SATL1: variants seen among roughly 807,000 people sequenced by gnomAD.
SATL1 encodes the protein spermidine/spermine N1-acetyl transferase like 1.
SATL1 carries 47 observed loss-of-function variants against 51.8 expected under a neutral mutation model. The observed-to-expected ratio is 0.91, with a 90% CI of 0.72 to 1.16. The LOEUF is 1.16. Among genes scored for constraint, SATL1 ranks in the 50% most tolerant of loss-of-function variants. The pLI is 0.00. For missense variants in SATL1, 520 were observed against 526.4 expected, an observed-to-expected ratio of 0.99 and a Z score of 0.12; for synonymous variants, 176 against 182.4, an observed-to-expected ratio of 0.97 and a Z score of 0.28.
intron 2 of SATL1, among the ~76,000 whole-genome samples, chrX:85,150,396 A>G (rs1330505940): frequency 7.2e-4 from 79 of 109,601 alleles, no homozygotes; most frequent in South Asian, 2.0e-3. Flanking sequence ...ACAAGGAGGA[A>G]CTGGTACCAT....
chrX:85,147,177 C>A (rs5923274), intron 2 of SATL1, among the ~76,000 whole-genome samples: 29,863 of 93,735 alleles, frequency 0.32, 3,109 homozygotes, highest in Non-Finnish European at 0.43. Context: ...TATCCCACAC[C>A]TGGCTCAGAG....
chrX:85,178,876 C>T (rs921648290), intron 2 of SATL1, among the ~76,000 whole-genome samples: 1 of 111,581 alleles, frequency 9.0e-6, no homozygotes, highest in Non-Finnish European at 1.9e-5. Flanking sequence ...TAACAAAATG[C>T]AACACTTCTT....
intron 2 of SATL1, among the ~76,000 whole-genome samples, chrX:85,190,358 T>A (rs1015934013): frequency 8.9e-6 from 1 of 111,900 alleles, no homozygotes; most frequent in Non-Finnish European, 1.9e-5. Context: ...TATCTACAGA[T>A]GGTTAATCCA....
chrX:85,225,739 T>G (rs1274699211), intron 1 of SATL1, among the ~76,000 whole-genome samples: 2 of 111,538 alleles, frequency 1.8e-5, no homozygotes, highest in African/African-American at 6.5e-5. Context: ...GCAAGAAATA[T>G]CTCTTTTTCT....
At chrX:85,238,282 C>T (rs1335747567) in intron 1 of SATL1, among the ~76,000 whole-genome samples, 1 of 111,346 alleles carries the variant, frequency 9.0e-6, no homozygotes, top group African/African-American at 3.3e-5. Context: ...CAGTACTGCT[C>T]ACAATAGCCA....
intron 2 of SATL1, chrX:85,209,660 T>A (rs1000307056): frequency 9.0e-6 from 1 of 111,569 alleles, no homozygotes; most frequent in African/African-American, 3.3e-5. Context: ...AATTCACTCA[T>A]GATTTGGCTC....
intron 2 of SATL1, among the ~76,000 whole-genome samples, chrX:85,180,362 T>C (rs773632374): frequency 5.4e-5 from 6 of 110,881 alleles, no homozygotes; most frequent in Non-Finnish European, 1.1e-4. Flanking sequence ...CATCATAGAG[T>C]GTACTTACAC....
intron 2 of SATL1, among the ~76,000 whole-genome samples, chrX:85,114,446 A>G (rs781711654): frequency 9.0e-6 from 1 of 111,464 alleles, no homozygotes; most frequent in East Asian, 2.8e-4. Context: ...CCTCTATTCT[A>G]ATGTCACAAT....
At chrX:85,127,682 C>A (rs912796383) in intron 2 of SATL1, among the ~76,000 whole-genome samples, 4 of 111,507 alleles carry the variant, frequency 3.6e-5, no homozygotes, top group Non-Finnish European at 7.5e-5. Context: ...TTCTAGGTTA[C>A]ATATGCACAA....
intron 4 of SATL1, among the ~76,000 whole-genome samples, chrX:85,100,964 C>T (rs926903308): frequency 8.9e-6 from 1 of 111,941 alleles, no homozygotes; most frequent in African/African-American, 3.2e-5. Context: ...ACCGTCTTTT[C>T]AACAAACAGT....
intron 2 of SATL1, among the ~76,000 whole-genome samples, chrX:85,113,770 T>C (rs765943571): frequency 6.4e-4 from 72 of 112,181 alleles, no homozygotes; most frequent in African/African-American, 2.3e-3. Context: ...TGATGGAACT[T>C]TGTTCCATAA....
rs145308997 is a variant in SATL1 at position 85,169,831 on chromosome X, T to C, written c.-313+54374A>G. 4.0e-3 allele frequency among the ~76,000 whole-genome samples: 443 copies of C among 111,749 alleles called. 2 individuals are homozygous for C. The highest frequency in any genetic ancestry group is 0.014 in the African/African-American group (430 of 30,862). On this transcript the variant is annotated intron_variant, in intron 2 of 7. Coordinates refer to ENST00000644105, the MANE Select transcript of SATL1 (RefSeq NM_001367857.2). The stretch of plus-strand genomic sequence containing the variant: ...AAAGACATATGCACATGTATGTTCA[T>C]TGTAGCACTATTCACAATGGCAAAG...
intron 4 of SATL1, among the ~76,000 whole-genome samples, chrX:85,099,640 A>G (rs1189759300): frequency 8.9e-6 from 1 of 111,859 alleles, no homozygotes; most frequent in African/African-American, 3.3e-5. Context: ...CAAAGGGGGA[A>G]AAACCCACAT....
At chrX:85,236,821 ACTGGAAGT>A (rs1928490139) in intron 1 of SATL1, among the ~76,000 whole-genome samples, 1 of 111,480 alleles carries the variant, frequency 9.0e-6, no homozygotes, top group Non-Finnish European at 1.9e-5. Flanking sequence ...TCAACATAGT[ACTGGAAGT>A]CCTACTTAGA....
chrX:85,150,433 G>GA (rs1323352612), intron 2 of SATL1, among the ~76,000 whole-genome samples: 1 of 108,718 alleles, frequency 9.2e-6, no homozygotes, highest in Non-Finnish European at 1.9e-5. Context: ...CCAATCAATA[G>GA]AAAAAGAGGG....
chrX:85,205,106 C>T (rs1927767762), intron 2 of SATL1, among the ~76,000 whole-genome samples: 1 of 111,837 alleles, frequency 8.9e-6, no homozygotes, highest in South Asian at 3.7e-4. Flanking sequence ...CTGTGCTTAG[C>T]ATTATCTTGG....
chrX:85,185,795 C>T (rs1314693174), intron 2 of SATL1, among the ~76,000 whole-genome samples: 2 of 110,636 alleles, frequency 1.8e-5, no homozygotes, highest in African/African-American at 6.6e-5. Flanking sequence ...TCATGGATGC[C>T]AGGAGCCCAC....
rs192121087 is a variant in SATL1 at position 85,139,250 on chromosome X, C to A, written c.-312-29970G>T. On this transcript the variant is annotated intron_variant, in intron 2 of 7. Coordinates refer to ENST00000644105, the MANE Select transcript of SATL1 (RefSeq NM_001367857.2). The stretch of plus-strand genomic sequence containing the variant: ...ATAACAGCTAATACTTTTATAGCAT[C>A]TATGTGCCAAGCACTGTGGTAAATA... 4.4e-3 allele frequency among the ~76,000 whole-genome samples: 491 copies of A among 111,337 alleles called. 3 individuals are homozygous for A. The highest frequency in any genetic ancestry group is 0.015 in the African/African-American group (470 of 30,732).
chrX:85,121,910 AT>A (rs1925517048), intron 2 of SATL1, among the ~76,000 whole-genome samples: 1 of 110,284 alleles, frequency 9.1e-6, no homozygotes, highest in South Asian at 3.9e-4. Context: ...GATGCTGGAT[AT>A]GTTAATTAGC....
Sources: gnomAD v4.1 joint callset for allele counts (sites outside exome capture counted in the v4.1 genomes callset) on GRCh38, gnomAD v4.1.1 for gene constraint, MANE v1.5 for transcripts, NCBI Gene and HGNC (gene_info 2026-07-23, HGNC 2026-07-21) for gene names.